EPHB2: variants seen among roughly 807,000 people sequenced by gnomAD.
EPHB2 encodes ephrin type-B receptor 2.
Under a neutral mutation model 96.4 loss-of-function variants are expected in EPHB2, and 18 were observed. That is an observed-to-expected ratio of 0.19 (90% CI 0.13 to 0.28). The LOEUF (loss-of-function observed/expected upper bound fraction) is 0.28. Ranked by LOEUF, EPHB2 falls within the 10% of genes least tolerant of loss-of-function variation. EPHB2 has a pLI of 1.00. For synonymous variants in EPHB2, 506 were observed against 534.1 expected, an observed-to-expected ratio of 0.95 and a Z score of 0.72; for missense variants, 989 against 1,355.4, an observed-to-expected ratio of 0.73 and a Z score of 4.25.
chr1:22,913,591 C>T lies in EPHB2; in HGVS notation c.*21C>T, dbSNP rs2229871. ...TTTGACATTCACCTGCCTCGGCTCA[C>T]CTCTTCCTCCAAGCCCCGCCCCCTC... On this transcript the variant is annotated 3_prime_UTR_variant, in exon 16 of 16. Coordinates refer to ENST00000374630, the MANE Select transcript of EPHB2 (RefSeq NM_017449.5). The surrounding 1 kb of genome is among the most constrained non-coding windows in gnomAD (Gnocchi z 4.1). 6,774 of 1,613,828 alleles carry T rather than the reference C, an allele frequency of 4.2e-3. 227 individuals carry two copies. The African/African-American group carries it at 0.082, about 19-fold the overall frequency.
At chr1:22,771,789 T>G (rs1644382681) in intron 1 of EPHB2, among the ~76,000 whole-genome samples, 1 of 152,160 alleles carries the variant, frequency 6.6e-6, no homozygotes, top group East Asian at 1.9e-4. Context: ...GTGGGTTCAT[T>G]TAAGTAAAAA....
intron 1 of EPHB2, among the ~76,000 whole-genome samples, chr1:22,718,334 C>T (rs1018848853): frequency 2.6e-5 from 4 of 151,576 alleles, no homozygotes; most frequent in East Asian, 1.9e-4. Context: ...CAGTGCCTGC[C>T]AGGCACCACC....
At chr1:22,812,280 C>T (rs1054858916) in intron 3 of EPHB2, among the ~76,000 whole-genome samples, 6 of 152,230 alleles carry the variant, frequency 3.9e-5, no homozygotes, top group Admixed American at 2.0e-4. Flanking sequence ...CGGCCCTGCC[C>T]GCGGGGCCTG....
At chr1:22,816,434 C>T (rs547757050) in intron 3 of EPHB2, among the ~76,000 whole-genome samples, 1 of 152,330 alleles carries the variant, frequency 6.6e-6, no homozygotes, top group East Asian at 1.9e-4. Context: ...TTCTCCAGCA[C>T]TCTTCCTTCC....
chr1:22,733,221 G>A lies in EPHB2; in HGVS notation c.61+22178G>A, dbSNP rs533865281. On this transcript the variant is annotated intron_variant, in intron 1 of 15. Transcript: ENST00000374630. This position sits in a 1 kb window ranked among gnomAD's most constrained non-coding sequence, Gnocchi z 4.6. The stretch of plus-strand genomic sequence containing the variant: ...CTGCCACCACGCCTGGCTGATTTTT[G>A]TATTTTTAGTAGAGACGGGGTTTCA... 8.1e-4 allele frequency among the ~76,000 whole-genome samples: 124 copies of A among 152,210 alleles called. 1 individual carries two copies. Among genetic ancestry groups the A allele is most frequent in the Admixed American group, 7.5e-3 (114 of 15,294 alleles).
At position 22,913,219 on chromosome 1, in the gene EPHB2, T is replaced by A. The variant is rs1640165659; in HGVS notation, c.2853-243T>A. On this transcript the variant is annotated intron_variant, in intron 15 of 15. Coordinates refer to ENST00000374630, the MANE Select transcript of EPHB2 (RefSeq NM_017449.5). This position sits in a 1 kb window ranked among gnomAD's most constrained non-coding sequence, Gnocchi z 4.1. Reference sequence around the variant, plus strand: ...AAAAAGAAAGAAAATGTAAGCTGGCTTCCCCCTCCCAATAGCAGGGGAGAG... The same window carrying A: ...AAAAAGAAAGAAAATGTAAGCTGGCATCCCCCTCCCAATAGCAGGGGAGAG... The A allele has an allele frequency of 1.4e-5, 8 of 583,790 alleles. No homozygotes were observed. The South Asian group carries it at 1.6e-4, about 12-fold the overall frequency. The allele number at this position is 583,790 out of a possible 1,614,324, so 36.2% of individuals were successfully genotyped here.
intron 3 of EPHB2, among the ~76,000 whole-genome samples, chr1:22,854,327 A>G (rs1339649401): frequency 6.6e-6 from 1 of 152,160 alleles, no homozygotes; most frequent in Non-Finnish European, 1.5e-5. Flanking sequence ...CCTGGACGAC[A>G]TAATGAAACC....
At chr1:22,891,019 G>A in intron 6 of EPHB2, 1 of 452,918 alleles carries the variant, frequency 2.2e-6, no homozygotes, top group Non-Finnish European at 4.5e-6. Context: ...CAGGTCACAT[G>A]TCCCTCGGTA....
rs541123264 is a variant in EPHB2, at chr1:22,775,321, G to A, written c.62-6100G>A. 6.0e-4 allele frequency: 458 copies of A among 764,110 alleles called. 2 individuals are homozygous for A. In the African/African-American group the frequency reaches 6.2e-3, roughly 10 times the overall value. 47.3% of individuals were successfully genotyped at this position (764,110 alleles called of 1,614,324 possible). The stretch of plus-strand genomic sequence containing the variant: ...AATAGTATATACTTCTGGAGGTTGC[G>A]CCTGAAATGGCATTTAGAGGGCCCT... On this transcript the variant is annotated intron_variant, in intron 1 of 15. Transcript: ENST00000374630.
Position 22,913,986 on chromosome 1 carries a change from A to C in EPHB2, c.*416A>C. The C allele has an allele frequency of 1.5e-6, 2 of 1,356,812 alleles. No individual in the cohort carries two copies. The highest frequency in any genetic ancestry group is 1.6e-5 in the South Asian group (1 of 63,760). 84.0% of individuals were successfully genotyped at this position (1,356,812 alleles called of 1,614,324 possible). A position where few individuals can be genotyped will look rare whatever the true frequency, so the allele number is the denominator to read the frequency against. On this transcript the variant is annotated 3_prime_UTR_variant, in exon 16 of 16. Coordinates refer to ENST00000374630, the MANE Select transcript of EPHB2 (RefSeq NM_017449.5). The surrounding 1 kb of genome is among the most constrained non-coding windows in gnomAD (Gnocchi z 4.1). ...CCAAGAAACACTTTCAGAAAAACAA[A>C]TGTGAAGGGGAGAGACAGGGGCCGC...
Position 22,784,826 on chromosome 1 carries a change from C to T in EPHB2, c.561C>T (p.Leu187=), listed in dbSNP as rs1570271850. The T allele has an allele frequency of 5.0e-6, 8 of 1,603,138 alleles. No homozygotes were observed. The South Asian group carries it at 8.9e-5, about 18-fold the overall frequency. Residue 187 remains leucine (L), a synonymous_variant, in exon 3 of 16, where the codon CTC becomes CTT. Coordinates refer to ENST00000374630, the MANE Select transcript of EPHB2 (RefSeq NM_017449.5). This position sits in a 1 kb window ranked among gnomAD's most constrained non-coding sequence, Gnocchi z 5.1. ...AGGACTATGGCGGCTGCATGTCCCT[C>T]ATCGCCGTGCGTGTCTTCTACCGCA... ...AFQDYGGCMS[L]IAVRVFYRKC...
In EPHB2 at chr1:22,913,070, G is replaced by A. The variant is rs1266355202; in HGVS notation, c.2853-392G>A. The A allele has an allele frequency of 1.1e-5, 4 of 360,724 alleles. No homozygotes were observed. Among genetic ancestry groups the A allele is most frequent in the South Asian group, 7.0e-5 (3 of 42,824 alleles). The allele number at this position is 360,724 out of a possible 1,614,324, so 22.3% of individuals were successfully genotyped here. The stretch of plus-strand genomic sequence containing the variant: ...TAGCCACGCAAGGTGGCATGCACCT[G>A]TAATGCCAGCTACTCGGGAGGCTGA... On this transcript the variant is annotated intron_variant, in intron 15 of 15. Transcript: ENST00000374630. The surrounding 1 kb of genome is among the most constrained non-coding windows in gnomAD (Gnocchi z 4.1).
At chr1:22,878,445 C>T (rs1253503555) in intron 5 of EPHB2, among the ~76,000 whole-genome samples, 2 of 152,240 alleles carry the variant, frequency 1.3e-5, no homozygotes, top group East Asian at 3.8e-4. Flanking sequence ...AGCTGCAAGT[C>T]CCTGGAAGGC....
intron 5 of EPHB2, among the ~76,000 whole-genome samples, chr1:22,867,149 C>T (rs1396307397): frequency 1.3e-5 from 2 of 152,202 alleles, no homozygotes; most frequent in African/African-American, 4.8e-5. Context: ...GGGCGAAGTC[C>T]TTGATGTGTC....
rs1428775058 is a variant in EPHB2, at chr1:22,907,998, C to T, written c.2182C>T (p.Arg728Trp). ...FTVIQLVGML[R>W]GIAAGMKYLA... ...AGTCATCCAGCTGGTGGGCATGCTT[C>T]GGGGCATCGCAGCTGGCATGAAGTA... The change falls in exon 12 of 16, where the codon CGG becomes TGG. Residue 728 changes from arginine (R) to tryptophan (W), a missense_variant. Arg to Trp is a moderately radical substitution (Grantham distance 101, BLOSUM62 -3). Coordinates refer to ENST00000374630, the MANE Select transcript of EPHB2 (RefSeq NM_017449.5). The T allele has an allele frequency of 3.4e-5, 55 of 1,614,148 alleles. No individual in the cohort carries two copies. The highest frequency in any genetic ancestry group is 4.6e-5 in the Non-Finnish European group (54 of 1,180,062).
chr1:22,802,399 T>C (rs1644857468), intron 3 of EPHB2, among the ~76,000 whole-genome samples: 1 of 152,004 alleles, frequency 6.6e-6, no homozygotes, highest in African/African-American at 2.4e-5. Flanking sequence ...TTATGTATGA[T>C]GGAGGTGGGG....
intron 8 of EPHB2, 95 bp from the exon 9 acceptor site, chr1:22,896,319 C>G (rs878945941): frequency 3.9e-6 from 6 of 1,546,848 alleles, no homozygotes; most frequent in African/African-American, 1.4e-5. Context: ...GGTGTGGCTT[C>G]TAGGGCCTGC....
rs762707747 is a variant in EPHB2 at position 22,906,814 on chromosome 1, C to T, written c.1993C>T (p.Arg665Trp). Reference protein sequence around the residue: ...LKSGYTEKQRRDFLSEASIMG... With the variant: ...LKSGYTEKQRWDFLSEASIMG... ...GTCGGGCTACACGGAGAAGCAGCGC[C>T]GGGACTTCCTGAGCGAAGCCTCCAT... Residue 665 changes from arginine to tryptophan, a missense_variant, in exon 11 of 16, where the codon CGG becomes TGG. Arg to Trp is a moderately radical substitution (Grantham distance 101, BLOSUM62 -3). Coordinates refer to ENST00000374630, the MANE Select transcript of EPHB2 (RefSeq NM_017449.5). This position sits in a 1 kb window ranked among gnomAD's most constrained non-coding sequence, Gnocchi z 4.8. The T allele has an allele frequency of 6.8e-6, 11 of 1,614,158 alleles. No individual in the cohort carries two copies. Among genetic ancestry groups the T allele is most frequent in the South Asian group, 2.2e-5 (2 of 91,074 alleles).
chr1:22,814,158 G>A (rs530502858), intron 3 of EPHB2, among the ~76,000 whole-genome samples: 75 of 152,016 alleles, frequency 4.9e-4, no homozygotes, highest in African/African-American at 8.0e-4. Context: ...CAACGAGAGC[G>A]AAACTCCATC....
Sources: allele counts gnomAD v4.1 joint callset (sites outside exome capture counted in the v4.1 genomes callset), GRCh38; gene constraint gnomAD v4.1.1; non-coding constraint Gnocchi (gnomAD v3.1); transcripts MANE v1.5; gene names NCBI Gene and HGNC (gene_info 2026-07-23, HGNC 2026-07-21).